The following EXOC4 variants were observed in gnomAD, a reference collection of about 807,000 sequenced individuals.
EXOC4 encodes the protein SEC8-like 1.
In EXOC4, 71 loss-of-function variants were observed where a neutral mutation model predicts 107.2. The observed-to-expected ratio is 0.66, with a 90% CI of 0.55 to 0.81. EXOC4 has a LOEUF of 0.81. EXOC4 is among the 30% of genes least tolerant of loss of function. The pLI is 0.00. For synonymous variants in EXOC4, 456 were observed against 441.2 expected (o/e 1.03, Z -0.42); for missense variants, 1,108 against 1,189.6 (o/e 0.93, Z 1.01).
chr7:133,410,134 CA>C (rs1260676603), intron 7 of EXOC4, among the ~76,000 whole-genome samples: 1 of 152,080 alleles, frequency 6.6e-6, no homozygotes, highest in Non-Finnish European at 1.5e-5. Context: ...CCTGCTGAGC[CA>C]ATACACAGTT....
Position 133,311,842 on chromosome 7 carries a change from A to G in EXOC4, c.657-5442A>G, listed in dbSNP as rs372084620. Among the ~76,000 whole-genome samples the G allele has an allele frequency of 1.2e-4, 18 of 152,300 alleles. No homozygotes were observed. The East Asian group carries it at 2.9e-3, about 24-fold the overall frequency. ...AATACAAATGGCTAATAAATATAAGATTGTTCAATATCATGAGTAGTCAGA... is the reference window on the plus strand; with the variant it reads ...AATACAAATGGCTAATAAATATAAGGTTGTTCAATATCATGAGTAGTCAGA... On this transcript the variant is annotated intron_variant, in intron 4 of 17. Coordinates refer to ENST00000253861, the MANE Select transcript of EXOC4 (RefSeq NM_021807.4).
chr7:133,565,050 T>A (rs1800880828), intron 9 of EXOC4, among the ~76,000 whole-genome samples: 1 of 152,118 alleles, frequency 6.6e-6, no homozygotes, highest in African/African-American at 2.4e-5. Flanking sequence ...CGAGTTTTAG[T>A]TAGAGTTAGA....
chr7:133,994,971 G>A (rs1304623230), intron 14 of EXOC4, among the ~76,000 whole-genome samples: 2 of 152,130 alleles, frequency 1.3e-5, no homozygotes, highest in Non-Finnish European at 2.9e-5. Context: ...GTAAGTTTCA[G>A]TAAGCCCTGA....
intron 7 of EXOC4, among the ~76,000 whole-genome samples, chr7:133,402,356 A>T (rs1797109695): frequency 6.6e-6 from 1 of 152,116 alleles, no homozygotes; most frequent in South Asian, 2.1e-4. Context: ...ATCTATCGGG[A>T]ATAAGTTGTG....
intron 10 of EXOC4, among the ~76,000 whole-genome samples, chr7:133,815,577 G>A (rs1291216790): frequency 3.3e-5 from 5 of 152,172 alleles, no homozygotes; most frequent in Non-Finnish European, 7.3e-5. Flanking sequence ...GCAATATACA[G>A]CAAGCATCTT....
intron 10 of EXOC4, among the ~76,000 whole-genome samples, chr7:133,632,828 T>TC (rs1166815616): frequency 0.021 from 3,202 of 152,308 alleles, 119 homozygotes; most frequent in African/African-American, 0.073. Flanking sequence ...ATATGTTTTC[T>TC]ATTCTTTAGA....
At chr7:133,461,472 A>G (rs1390183126) in intron 7 of EXOC4, among the ~76,000 whole-genome samples, 1 of 152,238 alleles carries the variant, frequency 6.6e-6, no homozygotes. Flanking sequence ...TATAAGTGTG[A>G]CAATATTTAC....
At chr7:133,434,544 G>A (rs1407817008) in intron 7 of EXOC4, among the ~76,000 whole-genome samples, 1 of 152,136 alleles carries the variant, frequency 6.6e-6, no homozygotes, top group African/African-American at 2.4e-5. Context: ...GTAAAGTAAT[G>A]GTGGGGGCTG....
intron 5 of EXOC4, among the ~76,000 whole-genome samples, chr7:133,319,832 C>T (rs981687348): frequency 4.6e-5 from 6 of 131,854 alleles, no homozygotes; most frequent in Non-Finnish European, 7.9e-5. Flanking sequence ...AAGACTTGAT[C>T]GTGTGCTTTT....
At chr7:133,675,010 G>C (rs947228163) in intron 10 of EXOC4, among the ~76,000 whole-genome samples, 4 of 152,196 alleles carry the variant, frequency 2.6e-5, no homozygotes, top group African/African-American at 4.8e-5. Context: ...ATCTTAGAAG[G>C]TGATACAAAG....
At chr7:133,775,128 C>A (rs1167105550) in intron 10 of EXOC4, among the ~76,000 whole-genome samples, 1 of 151,988 alleles carries the variant, frequency 6.6e-6, no homozygotes, top group African/African-American at 2.4e-5. Flanking sequence ...TTTTTTTGTT[C>A]TTAGTTTGTC....
intron 14 of EXOC4, among the ~76,000 whole-genome samples, chr7:133,964,078 C>T (rs958684854): frequency 6.6e-6 from 1 of 152,112 alleles, no homozygotes; most frequent in African/African-American, 2.4e-5. Flanking sequence ...TAATTAAAAT[C>T]TGCAAAGCTA....
the EXOC4 span, among the ~76,000 whole-genome samples, chr7:134,099,592 C>T: frequency 1.4e-5 from 2 of 145,042 alleles, no homozygotes; most frequent in Non-Finnish European, 3.0e-5. Context: ...TGCAGTGGCA[C>T]GATCTTGGCT....
intron 9 of EXOC4, among the ~76,000 whole-genome samples, chr7:133,490,505 A>G (rs1799351817): frequency 6.6e-6 from 1 of 152,224 alleles, no homozygotes; most frequent in Non-Finnish European, 1.5e-5. Flanking sequence ...CATTTCAGGC[A>G]TCAGGCACAG....
At chr7:133,450,758 A>C (rs926804942) in intron 7 of EXOC4, among the ~76,000 whole-genome samples, 1 of 152,220 alleles carries the variant, frequency 6.6e-6, no homozygotes, top group Non-Finnish European at 1.5e-5. Flanking sequence ...GAAACACATA[A>C]AATAATAAAT....
At chr7:133,463,022 T>G (rs1798631581) in intron 7 of EXOC4, among the ~76,000 whole-genome samples, 1 of 152,120 alleles carries the variant, frequency 6.6e-6, no homozygotes, top group Admixed American at 6.5e-5. Flanking sequence ...TAGCAGGTTG[T>G]GGGATAGACT....
rs544335624 is a variant in EXOC4, at chr7:133,702,122, T to A, written c.1514+71981T>A. 7.9e-5 allele frequency among the ~76,000 whole-genome samples: 12 copies of A among 151,426 alleles called. No individual in the cohort carries two copies. The East Asian group carries it at 2.3e-3, about 29-fold the overall frequency. On this transcript the variant is annotated intron_variant, in intron 10 of 17. Coordinates refer to ENST00000253861, the MANE Select transcript of EXOC4 (RefSeq NM_021807.4). ...CTCAAGTGATCATCATTTCTGACTC[T>A]GAATGTATAAGCTACTGATTAGCAA...
intron 15 of EXOC4, 58 bp downstream of exon 15, chr7:133,997,691 A>C (rs1213403074): frequency 2.6e-6 from 4 of 1,562,260 alleles, no homozygotes; most frequent in Non-Finnish European, 3.5e-6. Flanking sequence ...TTCATAAATC[A>C]CTTGCTTATT....
chr7:133,535,942 C>T (rs1474537008), intron 9 of EXOC4, among the ~76,000 whole-genome samples: 1 of 152,270 alleles, frequency 6.6e-6, no homozygotes, highest in Middle Eastern at 3.4e-3. Flanking sequence ...ACATTTGTTT[C>T]TTTTGTCTTT....
Sources: gnomAD v4.1 joint callset for allele counts (sites outside exome capture counted in the v4.1 genomes callset) on GRCh38, gnomAD v4.1.1 for gene constraint, MANE v1.5 for transcripts, NCBI Gene and HGNC (gene_info 2026-07-23, HGNC 2026-07-21) for gene names.